ATP8B4: variants seen among roughly 807,000 people sequenced by gnomAD.
ATP8B4 encodes the protein probable phospholipid-transporting ATPase IM.
Under a neutral mutation model 145.6 loss-of-function variants are expected in ATP8B4, and 133 were observed. That is an observed-to-expected ratio of 0.91 (90% CI 0.79 to 1.05). The LOEUF (loss-of-function observed/expected upper bound fraction) is 1.05. Among genes scored for constraint, ATP8B4 ranks in the 50% least tolerant of loss-of-function variants. The pLI is 0.00. For missense variants in ATP8B4, 1,458 were observed against 1,425.2 expected (o/e 1.02, Z -0.37); for synonymous variants, 507 against 492.9 (o/e 1.03, Z -0.38).
intron 8 of ATP8B4, among the ~76,000 whole-genome samples, chr15:49,997,478 A>G (rs1372188138): frequency 5.9e-5 from 9 of 152,130 alleles, no homozygotes; most frequent in Admixed American, 5.9e-4. Flanking sequence ...GCTTAAGATC[A>G]GCTATCAGAG....
At chr15:50,181,775 G>A (rs2044850481) in intron 1 of ATP8B4, among the ~76,000 whole-genome samples, 1 of 152,176 alleles carries the variant, frequency 6.6e-6, no homozygotes, top group Non-Finnish European at 1.5e-5. Flanking sequence ...AAGCCCTTGG[G>A]ACCAGGAAGG....
At chr15:49,912,777 A>C (rs1446133192) in intron 20 of ATP8B4, among the ~76,000 whole-genome samples, 1 of 152,094 alleles carries the variant, frequency 6.6e-6, no homozygotes, top group Non-Finnish European at 1.5e-5. Flanking sequence ...CTGAACAAAA[A>C]AGTAACAAAC....
rs546176481 is a variant in ATP8B4 at position 49,876,886 on chromosome 15, A to G, written c.2782-363T>C. On this transcript the variant is annotated intron_variant, in intron 24 of 27. Transcript: ENST00000284509. ...ATTCGTGCTCCCAGAATTCCAGCAC[A>G]TCATGTGCAGCCAATGGGCCCCAGA... Among the ~76,000 whole-genome samples, 260 of 152,316 alleles carry G rather than the reference A, an allele frequency of 1.7e-3. 1 individual carries two copies. Among genetic ancestry groups the G allele is most frequent in the Middle Eastern group, 3.4e-3 (1 of 294 alleles).
At chr15:50,037,072 T>A (rs1200271007) in intron 6 of ATP8B4, among the ~76,000 whole-genome samples, 1 of 152,218 alleles carries the variant, frequency 6.6e-6, no homozygotes, top group Non-Finnish European at 1.5e-5. Flanking sequence ...ATATCGAAGT[T>A]ATTGGATTAA....
intron 2 of ATP8B4, among the ~76,000 whole-genome samples, chr15:50,079,043 ATAACT>A (rs773127054): frequency 4.6e-5 from 7 of 152,190 alleles, no homozygotes; most frequent in Non-Finnish European, 8.8e-5. Flanking sequence ...ATAGTCAATA[ATAACT>A]TAATTGTACA....
chr15:49,975,209 A>G (rs1200151929), intron 12 of ATP8B4, among the ~76,000 whole-genome samples: 2 of 152,154 alleles, frequency 1.3e-5, no homozygotes, highest in Admixed American at 1.3e-4. Context: ...AAGAAGGTCA[A>G]ATCTTTTTAG....
At chr15:49,993,684 T>G (rs1339808685) in intron 9 of ATP8B4, among the ~76,000 whole-genome samples, 1 of 152,152 alleles carries the variant, frequency 6.6e-6, no homozygotes, top group Non-Finnish European at 1.5e-5. Flanking sequence ...TTTTTACTTA[T>G]TAGAATAAAC....
chr15:50,121,004 A>G (rs991815256), upstream of ATP8B4, among the ~76,000 whole-genome samples: 7 of 152,190 alleles, frequency 4.6e-5, no homozygotes, highest in African/African-American at 1.7e-4. Flanking sequence ...AGCTATTATA[A>G]ATAAGAGATA....
chr15:50,158,254 C>T (rs2044455810), intron 1 of ATP8B4, among the ~76,000 whole-genome samples: 1 of 151,400 alleles, frequency 6.6e-6, no homozygotes, highest in South Asian at 2.1e-4. Context: ...CCCGGCTGCC[C>T]AGTCTGGGAA....
upstream of ATP8B4, among the ~76,000 whole-genome samples, chr15:50,123,412 A>G (rs1048792088): frequency 3.3e-5 from 5 of 152,228 alleles, no homozygotes; most frequent in African/African-American, 1.2e-4. Flanking sequence ...ATTAAAAATT[A>G]TGGCTTAGGA....
intron 6 of ATP8B4, among the ~76,000 whole-genome samples, chr15:50,025,211 A>G (rs989856954): frequency 2.0e-5 from 3 of 152,156 alleles, no homozygotes; most frequent in Non-Finnish European, 2.9e-5. Context: ...GCCTCTCCCC[A>G]TATCTATCTT....
intron 1 of ATP8B4, among the ~76,000 whole-genome samples, chr15:50,129,966 A>G (rs12442997): frequency 0.53 from 70,572 of 133,676 alleles, 19,379 homozygotes; most frequent in East Asian, 0.91. Flanking sequence ...AAAAAAAAAA[A>G]AAAGAAAGAA....
intron 23 of ATP8B4, among the ~76,000 whole-genome samples, chr15:49,886,538 G>T (rs1043147880): frequency 2.0e-5 from 3 of 152,100 alleles, no homozygotes; most frequent in Non-Finnish European, 4.4e-5. Flanking sequence ...ATTAACCATA[G>T]ATATTTATTT....
At chr15:49,978,302 T>C (rs2045849633) in intron 12 of ATP8B4, among the ~76,000 whole-genome samples, 2 of 152,154 alleles carry the variant, frequency 1.3e-5, no homozygotes, top group South Asian at 4.1e-4. Flanking sequence ...GATACAAGCA[T>C]GAGAGGTCCT....
intron 17 of ATP8B4, among the ~76,000 whole-genome samples, chr15:49,922,556 G>T: frequency 6.6e-6 from 1 of 152,102 alleles, no homozygotes; most frequent in East Asian, 1.9e-4. Context: ...TAAAGATTCA[G>T]GGAATGTTTT....
intron 23 of ATP8B4, among the ~76,000 whole-genome samples, chr15:49,889,246 G>A (rs560434317): frequency 2.6e-5 from 4 of 152,140 alleles, no homozygotes; most frequent in African/African-American, 4.8e-5. Context: ...CTTGCCTACC[G>A]CTGATCCTCA....
intron 23 of ATP8B4, chr15:49,879,665 C>G (rs866912374): frequency 3.9e-6 from 2 of 514,224 alleles, no homozygotes; most frequent in Middle Eastern, 1.0e-3. Flanking sequence ...GTTTCTTTAT[C>G]TCTAAAGTGA....
In ATP8B4 at chr15:50,043,810, G is replaced by T. The variant is rs559201196; in HGVS notation, c.300+784C>A. 2.1e-3 allele frequency among the ~76,000 whole-genome samples: 325 copies of T among 151,488 alleles called. 1 individual carries two copies. Among genetic ancestry groups the T allele is most frequent in the African/African-American group, 7.7e-3 (316 of 41,304 alleles). ...CTACTAAAAATACAAAAAATTAGCC[G>T]GGCGCGGTGGCGGGCGCCTGTGGTC... On this transcript the variant is annotated intron_variant, in intron 5 of 27. Coordinates refer to ENST00000284509, the MANE Select transcript of ATP8B4 (RefSeq NM_024837.4).
At chr15:50,072,954 C>A (rs2053867056) in intron 3 of ATP8B4, among the ~76,000 whole-genome samples, 1 of 30,316 alleles carries the variant, frequency 3.3e-5, no homozygotes, top group African/African-American at 1.5e-4. Context: ...CTCTCTCTCT[C>A]TCTCTCTCTC....
Sources: gnomAD v4.1 joint callset for allele counts (sites outside exome capture counted in the v4.1 genomes callset) on GRCh38, gnomAD v4.1.1 for gene constraint, MANE v1.5 for transcripts, NCBI Gene and HGNC (gene_info 2026-07-23, HGNC 2026-07-21) for gene names.